Variants in GAS7 observed in about 807,000 individuals in gnomAD.
The protein encoded by GAS7 is growth arrest specific 7.
Under a neutral mutation model 71.1 loss-of-function variants are expected in GAS7, and 28 were observed. That is an observed-to-expected ratio of 0.39 (90% CI 0.29 to 0.54). The LOEUF (loss-of-function observed/expected upper bound fraction) is 0.54. GAS7 is among the 20% of genes least tolerant of loss of function. The pLI is 0.62. For synonymous variants in GAS7, 258 were observed against 245.8 expected (o/e 1.05, Z -0.46); for missense variants, 436 against 627.8 (o/e 0.69, Z 3.27).
At chr17:10,059,421 C>A (rs2073192465) in intron 1 of GAS7, among the ~76,000 whole-genome samples, 2 of 152,212 alleles carry the variant, frequency 1.3e-5, no homozygotes, top group African/African-American at 4.8e-5. Context: ...TCAGATACTT[C>A]CCCTGCCCAA....
chr17:9,955,595 G>GGT, intron 5 of GAS7, among the ~76,000 whole-genome samples: 1 of 152,242 alleles, frequency 6.6e-6, no homozygotes, highest in Non-Finnish European at 1.5e-5. Context: ...GTGGACCCAG[G>GGT]CTCTGAACCC....
intron 2 of GAS7, among the ~76,000 whole-genome samples, chr17:9,991,723 T>G (rs2152143311): frequency 6.6e-6 from 1 of 152,088 alleles, no homozygotes. Context: ...CTGTGAGCAT[T>G]TAAAAGACGA....
chr17:10,127,837 T>C (rs2073962717), intron 1 of GAS7, among the ~76,000 whole-genome samples: 1 of 152,112 alleles, frequency 6.6e-6, no homozygotes, highest in South Asian at 2.1e-4. Flanking sequence ...AAGCATCTCC[T>C]TGGAAATGCT....
Position 9,940,140 on chromosome 17 carries a change from A to G in GAS7, c.792T>C (p.Ala264=). The G allele has an allele frequency of 6.3e-7, 1 of 1,595,760 alleles. No individual in the cohort carries two copies. Among genetic ancestry groups the G allele is most frequent in the Non-Finnish European group, 8.6e-7 (1 of 1,163,238 alleles). The change falls in exon 8 of 14, where the codon GCT becomes GCC. Residue 264 remains alanine, a synonymous_variant. Transcript: ENST00000432992. ...NLAKLSQNSL[A]SQEEGSLGEA... ...TACCCACTCACCCTTCCTCCTGTGA[A>G]GCCAAGGAGTTCTGAGAGAGCTTAG...
chr17:10,007,796 A>G (rs2071600865), intron 2 of GAS7, among the ~76,000 whole-genome samples: 1 of 152,090 alleles, frequency 6.6e-6, no homozygotes, highest in Non-Finnish European at 1.5e-5. Flanking sequence ...TTTTTGGTGT[A>G]GTTGCAGAGT....
intron 1 of GAS7, among the ~76,000 whole-genome samples, chr17:10,040,335 A>G (rs994738201): frequency 6.6e-6 from 1 of 152,098 alleles, no homozygotes; most frequent in Non-Finnish European, 1.5e-5. Flanking sequence ...AGAGTTTAAG[A>G]GGCATGGGAG....
chr17:9,959,125 A>G lies in GAS7; in HGVS notation c.525+77T>C, dbSNP rs542423696. ...GGGCATCACTTCTGCTTGGCGGTCCACATCGCCATGGCAACAGCCCAGCCA... is the reference window on the plus strand; with the variant it reads ...GGGCATCACTTCTGCTTGGCGGTCCGCATCGCCATGGCAACAGCCCAGCCA... On this transcript the variant is annotated intron_variant, in intron 5 of 13. Coordinates refer to ENST00000432992, the MANE Select transcript of GAS7 (RefSeq NM_201433.2). The surrounding 1 kb of genome is among the most constrained non-coding windows in gnomAD (Gnocchi z 5.0). The G allele has an allele frequency of 5.6e-5, 84 of 1,510,224 alleles. 1 individual carries two copies. In the East Asian group the frequency reaches 1.9e-3, roughly 34 times the overall value. The allele number at this position is 1,510,224 out of a possible 1,614,324, so 93.6% of individuals were successfully genotyped here. A position where few individuals can be genotyped will look rare whatever the true frequency, so the allele number is the denominator to read the frequency against.
intron 1 of GAS7, among the ~76,000 whole-genome samples, chr17:10,191,807 G>C (rs901590727): frequency 6.7e-6 from 1 of 149,014 alleles, no homozygotes. Flanking sequence ...CCCAGGAGGC[G>C]GAGGTTGTAG....
At chr17:10,115,396 G>A (rs1239664826) in intron 1 of GAS7, among the ~76,000 whole-genome samples, 1 of 152,190 alleles carries the variant, frequency 6.6e-6, no homozygotes, top group Admixed American at 6.5e-5. Flanking sequence ...TCTGAAGGAG[G>A]GTGGGGGGCA....
rs577821427 is a variant in GAS7, at chr17:9,984,602, C to A, written c.305-2718G>T. Reference sequence around the variant, plus strand: ...GAGAACTTACTTCAAAGACCACTGCCCTGCTTAGGGCCCACGTCATAAGCC... The same window carrying A: ...GAGAACTTACTTCAAAGACCACTGCACTGCTTAGGGCCCACGTCATAAGCC... On this transcript the variant is annotated intron_variant, in intron 2 of 13. Coordinates refer to ENST00000432992, the MANE Select transcript of GAS7 (RefSeq NM_201433.2). 9.9e-5 allele frequency among the ~76,000 whole-genome samples: 15 copies of A among 152,252 alleles called. No homozygotes were observed. The South Asian group carries it at 1.9e-3, about 19-fold the overall frequency.
At chr17:10,011,729 C>T (rs1859931143) in intron 2 of GAS7, among the ~76,000 whole-genome samples, 1 of 152,168 alleles carries the variant, frequency 6.6e-6, no homozygotes, top group East Asian at 1.9e-4. Flanking sequence ...GTAATCCCAG[C>T]ACTTTGGGAG....
At chr17:9,979,418 C>G (rs1238766438) in intron 3 of GAS7, among the ~76,000 whole-genome samples, 1 of 152,170 alleles carries the variant, frequency 6.6e-6, no homozygotes, top group Non-Finnish European at 1.5e-5. Context: ...CCTTTAGGGG[C>G]CCAGCACACA....
At chr17:10,001,269 G>C (rs1218749340) in intron 2 of GAS7, among the ~76,000 whole-genome samples, 2 of 152,154 alleles carry the variant, frequency 1.3e-5, no homozygotes, top group Non-Finnish European at 2.9e-5. Context: ...GAAAGTCTTG[G>C]TGCTAAGCTC....
At chr17:9,934,797 G>A (rs117608141) in intron 8 of GAS7, among the ~76,000 whole-genome samples, 702 of 152,304 alleles carry the variant, frequency 4.6e-3, no homozygotes, top group East Asian at 0.012. Flanking sequence ...GTACAATGGC[G>A]CGATCTTGGC....
chr17:9,990,113 CA>C (rs1426151472), intron 2 of GAS7, among the ~76,000 whole-genome samples: 1 of 151,966 alleles, frequency 6.6e-6, no homozygotes, highest in Non-Finnish European at 1.5e-5. Context: ...ACTAAAAATA[CA>C]AAAAATTAGC....
intron 1 of GAS7, among the ~76,000 whole-genome samples, chr17:10,071,299 T>A (rs767893643): frequency 6.6e-6 from 1 of 152,124 alleles, no homozygotes; most frequent in Non-Finnish European, 1.5e-5. Context: ...AAATATCACA[T>A]ACTACTCAGG....
At position 9,935,427 on chromosome 17, in the gene GAS7, C is replaced by T. The variant is rs140680057; in HGVS notation, c.807-1183G>A. ...CCGCATGACCCTTCCAAGTGATACCCCCGCTTTCTTGCTCCCAGCCTCTTC... is the reference window on the plus strand; with the variant it reads ...CCGCATGACCCTTCCAAGTGATACCTCCGCTTTCTTGCTCCCAGCCTCTTC... On this transcript the variant is annotated intron_variant, in intron 8 of 13. Coordinates refer to ENST00000432992, the MANE Select transcript of GAS7 (RefSeq NM_201433.2). 4.0e-3 allele frequency among the ~76,000 whole-genome samples: 607 copies of T among 152,280 alleles called. 5 individuals carry two copies. Among genetic ancestry groups the T allele is most frequent in the African/African-American group, 0.014 (577 of 41,546 alleles).
At chr17:10,014,987 C>G (rs568510972) in intron 2 of GAS7, among the ~76,000 whole-genome samples, 1 of 152,046 alleles carries the variant, frequency 6.6e-6, no homozygotes, top group East Asian at 1.9e-4. Flanking sequence ...AACCCTGTCT[C>G]TACTAAAAAT....
chr17:10,068,094 A>G (rs1405283175), intron 1 of GAS7, among the ~76,000 whole-genome samples: 1 of 152,166 alleles, frequency 6.6e-6, no homozygotes, highest in Non-Finnish European at 1.5e-5. Flanking sequence ...TCAGCCACAC[A>G]TAAACACACT....
Sources: gnomAD v4.1 joint callset for allele counts (sites outside exome capture counted in the v4.1 genomes callset) on GRCh38, gnomAD v4.1.1 for gene constraint, Gnocchi (gnomAD v3.1) non-coding constraint, MANE v1.5 for transcripts, NCBI Gene and HGNC (gene_info 2026-07-23, HGNC 2026-07-21) for gene names.